Variants in FOXP2 observed in about 807,000 individuals in gnomAD.
FOXP2 encodes forkhead box P2.
Under a neutral mutation model 115.8 loss-of-function variants are expected in FOXP2, and 12 were observed. That is an observed-to-expected ratio of 0.10 (90% CI 0.07 to 0.17). FOXP2 has a LOEUF of 0.17. FOXP2 is among the 10% of genes least tolerant of loss of function. The pLI is 1.00. For missense variants in FOXP2, 629 were observed against 843.5 expected (o/e 0.75, Z 3.15); for synonymous variants, 328 against 297.7 (o/e 1.10, Z -1.05).
intron 16 of FOXP2, among the ~76,000 whole-genome samples, chr7:114,688,728 C>T (rs781431771): frequency 2.6e-5 from 4 of 152,170 alleles, no homozygotes; most frequent in Non-Finnish European, 5.9e-5. Context: ...CCCACCTCAA[C>T]TTGTGTTCCT....
chr7:114,237,458 ATTGCCATGCATTGTAATATAC>A (rs1795039845), intron 1 of FOXP2, among the ~76,000 whole-genome samples: 1 of 152,198 alleles, frequency 6.6e-6, no homozygotes, highest in Admixed American at 6.5e-5. Context: ...CATGCAAGTA[ATTGCCATGCATTGTAATATAC>A]AATGGCTAAA....
chr7:114,545,090 T>C (rs1219086548), intron 3 of FOXP2, among the ~76,000 whole-genome samples: 1 of 152,200 alleles, frequency 6.6e-6, no homozygotes, highest in Non-Finnish European at 1.5e-5. Context: ...TACAGTTGGC[T>C]TACAATACAG....
In FOXP2 at chr7:114,659,405, A is replaced by G. The variant is rs778024661; in HGVS notation, c.1518A>G (p.Pro506=). The part of the protein sequence containing the change: ...EFYKNADVRP[P]FTYATLIRQA... ...ATAAAAATGCAGATGTCAGACCTCC[A>G]TTTACTTATGCAACTCTCATAAGGC... Residue 506 remains proline (P), a synonymous_variant, in exon 12 of 17, where the codon CCA becomes CCG. Coordinates refer to ENST00000350908, the MANE Select transcript of FOXP2 (RefSeq NM_014491.4). 1 of 1,613,444 alleles carries G rather than the reference A, an allele frequency of 6.2e-7. No individual in the cohort carries two copies. Among genetic ancestry groups the G allele is most frequent in the Non-Finnish European group, 8.5e-7 (1 of 1,179,512 alleles).
intron 2 of FOXP2, among the ~76,000 whole-genome samples, chr7:114,528,906 G>T (rs1799007150): frequency 6.6e-6 from 1 of 151,862 alleles, no homozygotes; most frequent in Non-Finnish European, 1.5e-5. Flanking sequence ...ATAGTTACTG[G>T]AACATGTCCC....
intron 1 of FOXP2, among the ~76,000 whole-genome samples, chr7:114,226,915 A>G (rs981661269): frequency 6.6e-6 from 1 of 152,118 alleles, no homozygotes; most frequent in Admixed American, 6.6e-5. Flanking sequence ...AGCTGCAGTA[A>G]TACAGACTTC....
intron 1 of FOXP2, among the ~76,000 whole-genome samples, chr7:114,210,034 T>C (rs1794304607): frequency 6.6e-6 from 1 of 152,190 alleles, no homozygotes; most frequent in Admixed American, 6.5e-5. Context: ...TGCTGTATTG[T>C]TTTATCATGA....
intron 1 of FOXP2, among the ~76,000 whole-genome samples, chr7:114,147,291 A>G (rs970693719): frequency 1.3e-5 from 2 of 152,164 alleles, no homozygotes; most frequent in Non-Finnish European, 2.9e-5. Flanking sequence ...GTATGTTGAT[A>G]ACAGTTACTT....
intron 2 of FOXP2, among the ~76,000 whole-genome samples, chr7:114,343,592 T>C (rs1409303284): frequency 6.6e-6 from 1 of 151,696 alleles, no homozygotes; most frequent in African/African-American, 2.4e-5. Context: ...TTTTTAAAAC[T>C]ATCAGTTAAC....
intron 2 of FOXP2, among the ~76,000 whole-genome samples, chr7:114,301,513 C>G (rs1020779139): frequency 1.3e-5 from 2 of 151,926 alleles, no homozygotes; most frequent in Non-Finnish European, 2.9e-5. Context: ...AGTGGTATGC[C>G]CCTCACTGAG....
chr7:114,522,353 A>G (rs1798667486), intron 2 of FOXP2, among the ~76,000 whole-genome samples: 1 of 152,174 alleles, frequency 6.6e-6, no homozygotes, highest in African/African-American at 2.4e-5. Flanking sequence ...TAATGGAAGT[A>G]AGTGAAAACA....
intron 1 of FOXP2, among the ~76,000 whole-genome samples, chr7:114,281,311 A>G (rs1226419171): frequency 6.6e-6 from 1 of 151,936 alleles, no homozygotes; most frequent in African/African-American, 2.4e-5. Flanking sequence ...CATGTTGGCC[A>G]GGCTGATTTC....
In FOXP2 at chr7:114,691,146, T is replaced by TTG; in HGVS notation, c.*1224_*1225dup. The TTG allele has an allele frequency of 2.2e-6, 1 of 454,046 alleles. No homozygotes were observed. The highest frequency in any genetic ancestry group is 2.3e-5 in the Admixed American group (1 of 42,568). 28.1% of individuals were successfully genotyped at this position (454,046 alleles called of 1,614,324 possible). A position where few individuals can be genotyped will look rare whatever the true frequency, so the allele number is the denominator to read the frequency against. Reference sequence around the variant, plus strand: ...TGCATATTGTTATATATATAGTACTTTGTGTTTTTGTTTTCCCTCATTCAG... The same window carrying TTG: ...TGCATATTGTTATATATATAGTACTTTGTGTGTTTTTGTTTTCCCTCATTCAG... On this transcript the variant is annotated 3_prime_UTR_variant, in exon 17 of 17. Transcript: ENST00000350908.
intron 1 of FOXP2, among the ~76,000 whole-genome samples, chr7:114,190,578 T>C (rs1793730919): frequency 6.6e-6 from 1 of 152,190 alleles, no homozygotes. Flanking sequence ...TTAGCTTTTA[T>C]AATCACGTGA....
At chr7:114,297,651 T>C (rs1319842989) in intron 2 of FOXP2, among the ~76,000 whole-genome samples, 1 of 152,232 alleles carries the variant, frequency 6.6e-6, no homozygotes, top group African/African-American at 2.4e-5. Context: ...AGTAACGTTG[T>C]CAGTTAAGAG....
At chr7:114,311,509 A>G (rs1797146187) in intron 2 of FOXP2, among the ~76,000 whole-genome samples, 1 of 152,110 alleles carries the variant, frequency 6.6e-6, no homozygotes, top group Non-Finnish European at 1.5e-5. Context: ...ACAAGATTAC[A>G]TTATTAAATT....
At chr7:114,512,539 C>T (rs1040663464) in intron 2 of FOXP2, among the ~76,000 whole-genome samples, 1 of 152,086 alleles carries the variant, frequency 6.6e-6, no homozygotes, top group Non-Finnish European at 1.5e-5. Context: ...AGCAGTTTCT[C>T]ACAGCATGAA....
chr7:114,531,176 C>A (rs995684913), intron 2 of FOXP2, among the ~76,000 whole-genome samples: 2 of 151,712 alleles, frequency 1.3e-5, no homozygotes, highest in Non-Finnish European at 2.9e-5. Flanking sequence ...ATTTTGTAAA[C>A]AACTTTTGCT....
rs746718595 is a variant in FOXP2 at position 114,319,795 on chromosome 7, CTG to C, written c.-11+31687_-11+31688del. ...ACTAGAAAAATCAATAAAGAAAAAT[CTG>C]GACATTTGTTATTTTGATTGCTGGC... On this transcript the variant is annotated intron_variant, in intron 2 of 17. Coordinates refer to the FOXP2 transcript ENST00000634411. Among the ~76,000 whole-genome samples the C allele has an allele frequency of 2.1e-4, 32 of 152,132 alleles. 1 individual carries two copies. The highest frequency in any genetic ancestry group is 2.9e-4 in the Non-Finnish European group (20 of 68,016).
chr7:114,599,790 TAAAG>T (rs2129312910), intron 3 of FOXP2, among the ~76,000 whole-genome samples: 1 of 152,258 alleles, frequency 6.6e-6, no homozygotes, highest in South Asian at 2.1e-4. Flanking sequence ...TTCTTTTTCT[TAAAG>T]AAACATTCAT....
Sources: gnomAD v4.1 joint callset for allele counts (sites outside exome capture counted in the v4.1 genomes callset) on GRCh38, gnomAD v4.1.1 for gene constraint, MANE v1.5 for transcripts, NCBI Gene and HGNC (gene_info 2026-07-23, HGNC 2026-07-21) for gene names.